The following LMBR1 variants were observed in gnomAD, a reference collection of about 807,000 sequenced individuals.
The protein encoded by LMBR1 is limb development membrane protein 1, also known as limb region 1 protein homolog.
A neutral mutation model predicts 73.9 loss-of-function variants in LMBR1; 52 were observed. The ratio of observed to expected loss-of-function variants is 0.70; its 90% CI spans 0.56 to 0.89. The LOEUF is 0.89. LMBR1 is among the 40% of genes least tolerant of loss of function. The pLI is 0.00. For missense variants in LMBR1, 539 were observed against 579.8 expected (o/e 0.93, Z 0.72); for synonymous variants, 215 against 209.4 (o/e 1.03, Z -0.23).
intron 15 of LMBR1, among the ~76,000 whole-genome samples, chr7:156,697,678 C>T (rs145924668): frequency 0.013 from 1,986 of 152,308 alleles, 20 homozygotes; most frequent in Non-Finnish European, 0.021. Flanking sequence ...TGCCCGACCC[C>T]GCAGGCAGTC....
chr7:156,772,719 G>A (rs1010081208), intron 5 of LMBR1, among the ~76,000 whole-genome samples: 7 of 151,960 alleles, frequency 4.6e-5, no homozygotes, highest in African/African-American at 7.3e-5. Context: ...GTGGTGGCAG[G>A]CACCTGTAGT....
chr7:156,842,124 G>A (rs1181187745), intron 1 of LMBR1, among the ~76,000 whole-genome samples: 1 of 150,888 alleles, frequency 6.6e-6, no homozygotes, highest in Non-Finnish European at 1.5e-5. Flanking sequence ...TTTCCTCAGT[G>A]CAACAGAAGC....
Position 156,682,213 on chromosome 7 carries a change from A to G in LMBR1, c.*1865T>C, listed in dbSNP as rs1203558161. Reference sequence around the variant, plus strand: ...GAACAAAAAGTTGAGCTAAACACTGAAAAGTTTAGTATTTTACTTAAAAAT... The same window carrying G: ...GAACAAAAAGTTGAGCTAAACACTGGAAAGTTTAGTATTTTACTTAAAAAT... On this transcript the variant is annotated 3_prime_UTR_variant, in exon 17 of 17. Transcript: ENST00000353442. The G allele has an allele frequency of 6.6e-6, 1 of 152,254 alleles. No homozygotes were observed. The allele number at this position is 152,254 out of a possible 1,614,324, so 9.4% of individuals were successfully genotyped here.
At chr7:156,887,765 C>T (rs1444590044) in intron 1 of LMBR1, among the ~76,000 whole-genome samples, 1 of 152,274 alleles carries the variant, frequency 6.6e-6, no homozygotes, top group Middle Eastern at 3.4e-3. Flanking sequence ...TTGCAAATCA[C>T]ATGTCTGATA....
chr7:156,889,597 G>C (rs951082575), intron 1 of LMBR1, among the ~76,000 whole-genome samples: 16 of 152,152 alleles, frequency 1.1e-4, no homozygotes, highest in African/African-American at 3.9e-4. Context: ...CCAGCCAGGG[G>C]TACTGGGTTG....
chr7:156,813,285 T>C (rs1331401192), intron 4 of LMBR1, among the ~76,000 whole-genome samples: 1 of 152,188 alleles, frequency 6.6e-6, no homozygotes, highest in Non-Finnish European at 1.5e-5. Context: ...GCTCTGGGCA[T>C]AAAACATCAG....
Position 156,891,233 on chromosome 7 carries a change from T to TAC in LMBR1, c.66+1693_66+1694dup, listed in dbSNP as rs68193998. ...AAAAATATATATATATATATATATA[T>TAC]ACACACACACACACACACACACACA... is the stretch of plus-strand genomic sequence containing the variant. On this transcript the variant is annotated intron_variant, in intron 1 of 16. Transcript: ENST00000353442. 5.6e-3 allele frequency among the ~76,000 whole-genome samples: 388 copies of TAC among 68,800 alleles called. 5 individuals carry two copies. Among genetic ancestry groups the TAC allele is most frequent in the East Asian group, 0.014 (30 of 2,218 alleles). The allele number at this position is 68,800 out of a possible 152,430, so 45.1% of individuals were successfully genotyped here.
At chr7:156,850,300 G>T (rs546094955) in intron 1 of LMBR1, among the ~76,000 whole-genome samples, 6 of 152,126 alleles carry the variant, frequency 3.9e-5, no homozygotes, top group Admixed American at 2.0e-4. Context: ...CTTGATCTTG[G>T]GCTTCCCAGC....
intron 4 of LMBR1, among the ~76,000 whole-genome samples, chr7:156,803,874 T>C (rs1563402039): frequency 6.6e-6 from 1 of 151,522 alleles, no homozygotes; most frequent in Non-Finnish European, 1.5e-5. Context: ...CCCATCATTC[T>C]CAGCAAACTA....
chr7:156,711,201 T>G (rs936328191), intron 15 of LMBR1, among the ~76,000 whole-genome samples: 1 of 152,044 alleles, frequency 6.6e-6, no homozygotes, highest in Non-Finnish European at 1.5e-5. Context: ...TCCCAGCTAC[T>G]TGGGAGGCTG....
chr7:156,719,155 C>T (rs1451481822), intron 15 of LMBR1, among the ~76,000 whole-genome samples: 1 of 142,950 alleles, frequency 7.0e-6, no homozygotes, highest in Non-Finnish European at 1.5e-5. Flanking sequence ...CAACAGTCCC[C>T]AGAGTGTGAT....
rs796707467 is a variant in LMBR1 at position 156,678,447 on chromosome 7, C to G, written c.*5631G>C. On this transcript the variant is annotated 3_prime_UTR_variant, in exon 17 of 17. Transcript: ENST00000353442. ...AGCTTGCGAGACCAAGTTGCAACCA[C>G]AGAACGCTAAAAAGGACCTGAATGA... is the stretch of plus-strand genomic sequence containing the variant. The G allele has an allele frequency of 1.3e-5, 2 of 152,338 alleles. No individual in the cohort carries two copies. The highest frequency in any genetic ancestry group is 4.8e-5 in the African/African-American group (2 of 41,588). 9.4% of individuals were successfully genotyped at this position (152,338 alleles called of 1,614,324 possible).
rs571710425 is a variant in LMBR1, at chr7:156,867,095, A to C, written c.66+25833T>G. On this transcript the variant is annotated intron_variant, in intron 1 of 16. Transcript: ENST00000353442. Reference sequence around the variant, plus strand: ...ATAAAAAGAAAAATAACCCAACAAAAAATTGACAAAGAAGTTGAAGAGATA... The same window carrying C: ...ATAAAAAGAAAAATAACCCAACAAACAATTGACAAAGAAGTTGAAGAGATA... Among the ~76,000 whole-genome samples the C allele has an allele frequency of 2.6e-5, 4 of 152,366 alleles. No homozygotes were observed. In the East Asian group the frequency reaches 7.7e-4, roughly 29 times the overall value.
intron 10 of LMBR1, among the ~76,000 whole-genome samples, chr7:156,729,631 G>C (rs887664415): frequency 2.0e-5 from 3 of 151,914 alleles, no homozygotes; most frequent in African/African-American, 7.3e-5. Context: ...ATGCCACCAA[G>C]CCCGGCTAAT....
intron 1 of LMBR1, among the ~76,000 whole-genome samples, chr7:156,860,105 T>A (rs7779006): frequency 0.018 from 2,701 of 152,326 alleles, 82 homozygotes; most frequent in African/African-American, 0.061. Context: ...ACATAGACCC[T>A]ATGGCGTTCC....
At chr7:156,708,271 A>C (rs933097808) in intron 15 of LMBR1, among the ~76,000 whole-genome samples, 40 of 152,342 alleles carry the variant, frequency 2.6e-4, no homozygotes, top group African/African-American at 8.2e-4. Context: ...TGAAAGAAGC[A>C]GCATATCATT....
At chr7:156,862,930 C>T (rs1260314937) in intron 1 of LMBR1, among the ~76,000 whole-genome samples, 1 of 152,194 alleles carries the variant, frequency 6.6e-6, no homozygotes, top group East Asian at 1.9e-4. Context: ...ATCAACAGTT[C>T]TGGGTCTCCA....
chr7:156,873,023 T>C (rs921068289), intron 1 of LMBR1, among the ~76,000 whole-genome samples: 2 of 151,732 alleles, frequency 1.3e-5, no homozygotes, highest in Middle Eastern at 3.4e-3. Context: ...AGGTGGCGCG[T>C]TGGCACGTCT....
In LMBR1 at chr7:156,681,529, A is replaced by G. The variant is rs1805027200; in HGVS notation, c.*2549T>C. 1 of 154,380 alleles carries G rather than the reference A, an allele frequency of 6.5e-6. No homozygotes were observed. Among genetic ancestry groups the G allele is most frequent in the Non-Finnish European group, 1.4e-5 (1 of 69,548 alleles). The allele number at this position is 154,380 out of a possible 1,614,324, so 9.6% of individuals were successfully genotyped here. ...TTATAATCTGAAAACTTATAATTGT[A>G]AAATAATTTATTTAAGTATTGCAGA... is the stretch of plus-strand genomic sequence containing the variant. On this transcript the variant is annotated 3_prime_UTR_variant, in exon 17 of 17. Transcript: ENST00000353442.
Sources: gnomAD v4.1 joint callset for allele counts (sites outside exome capture counted in the v4.1 genomes callset) on GRCh38, gnomAD v4.1.1 for gene constraint, MANE v1.5 for transcripts, NCBI Gene and HGNC (gene_info 2026-07-23, HGNC 2026-07-21) for gene names.